The following MYH7B variants were observed in gnomAD, a reference collection of about 807,000 sequenced individuals.
The protein encoded by MYH7B is myosin heavy chain 7B.
A neutral mutation model predicts 234.5 loss-of-function variants in MYH7B; 205 were observed. That is an observed-to-expected ratio of 0.87 (90% CI 0.78 to 0.98). The LOEUF (loss-of-function observed/expected upper bound fraction) is 0.98. Among genes scored for constraint, MYH7B ranks in the 50% least tolerant of loss-of-function variants. The pLI, the probability that MYH7B is intolerant of heterozygous loss-of-function variation, is 0.00. For missense variants in MYH7B, 2,652 were observed against 2,633.4 expected, an observed-to-expected ratio of 1.01 and a Z score of -0.15; for synonymous variants, 1,193 against 1,105.0, an observed-to-expected ratio of 1.08 and a Z score of -1.58.
At chr20:34,966,786 C>T (rs2081745678) in intron 2 of MYH7B, among the ~76,000 whole-genome samples, 1 of 152,048 alleles carries the variant, frequency 6.6e-6, no homozygotes, top group African/African-American at 2.4e-5. Flanking sequence ...TTTGGCTAGG[C>T]ATGGTGAGGC....
rs1241240177 is a variant in MYH7B, at chr20:34,984,679, C to T, written c.625-13C>T. ...GGCCTGGCCCTCTAATGTTGTCTGT[C>T]TTCTTCCCCCAGCAATTTCTGGCAA... is the stretch of plus-strand genomic sequence containing the variant. On this transcript the variant is annotated splice_polypyrimidine_tract_variant and intron_variant, in intron 10 of 44. Transcript: ENST00000262873. 29 of 1,577,272 alleles carry T rather than the reference C, an allele frequency of 1.8e-5. No homozygotes were observed. Among genetic ancestry groups the T allele is most frequent in the Non-Finnish European group, 2.5e-5 (29 of 1,163,308 alleles).
At chr20:34,985,390 CCTGT>C (rs2082002208) in intron 13 of MYH7B, among the ~76,000 whole-genome samples, 1 of 152,116 alleles carries the variant, frequency 6.6e-6, no homozygotes, top group East Asian at 1.9e-4. Context: ...TTCTCTAGAT[CCTGT>C]CACCTGAGGA....
intron 2 of MYH7B, among the ~76,000 whole-genome samples, chr20:34,971,774 C>T (rs994066869): frequency 2.0e-5 from 3 of 152,230 alleles, no homozygotes; most frequent in Admixed American, 6.5e-5. Context: ...CAAATTCCGT[C>T]GCTCAGAGCT....
At chr20:34,975,806 C>G (rs1482674428) in intron 3 of MYH7B, among the ~76,000 whole-genome samples, 1 of 152,288 alleles carries the variant, frequency 6.6e-6, no homozygotes, top group East Asian at 1.9e-4. Context: ...AGCTCTGCCT[C>G]CCGGGTTCAC....
At chr20:34,976,974 C>T (rs2081861832) in intron 3 of MYH7B, among the ~76,000 whole-genome samples, 1 of 152,156 alleles carries the variant, frequency 6.6e-6, no homozygotes, top group Admixed American at 6.5e-5. Context: ...AGGCGATGCC[C>T]TATACCCTGA....
At chr20:35,000,026 TTC>T in intron 38 of MYH7B, 120 bp downstream of exon 38, 1 of 1,040,334 alleles carries the variant, frequency 9.6e-7, no homozygotes, top group Non-Finnish European at 1.4e-6. Flanking sequence ...GCTGTCTCCA[TTC>T]TAGCTGTGAA....
In MYH7B at chr20:35,000,536, C is replaced by T. The variant is rs777807715; in HGVS notation, c.5025C>T (p.His1675=). 4.2e-5 allele frequency: 66 copies of T among 1,587,464 alleles called. No individual in the cohort carries two copies. The highest frequency in any genetic ancestry group is 5.1e-5 in the Non-Finnish European group (60 of 1,173,096). ...AGCAGCGGCTGGCAGCTGAGCTCCA[C>T]GAGCAGGCGCAGGCTCTGGAGCGCC... Residue 1675 remains histidine, a synonymous_variant, in exon 39 of 45, where the codon CAC becomes CAT. Coordinates refer to ENST00000262873, the Ensembl canonical transcript of MYH7B.
intron 3 of MYH7B, among the ~76,000 whole-genome samples, chr20:34,976,261 A>C (rs2081853310): frequency 6.6e-6 from 1 of 152,182 alleles, no homozygotes; most frequent in African/African-American, 2.4e-5. Flanking sequence ...TAGATGGTTG[A>C]AAATGTAGCT....
At chr20:34,980,225 G>A in intron 7 of MYH7B, 1 of 324,702 alleles carries the variant, frequency 3.1e-6, no homozygotes, top group East Asian at 6.2e-5. Context: ...TGGGGCCTGG[G>A]GATGGGAACT....
At position 34,987,302 on chromosome 20, in the gene MYH7B, C is replaced by T. The variant is rs1569043578; in HGVS notation, c.1147+15C>T. On this transcript the variant is annotated intron_variant, in intron 16 of 44. Transcript: ENST00000262873. ...TGGCACTGAGAGTGAGGGGCCCTAACCTGGCCTTCAACTTGACCCAGACCT... is the reference window on the plus strand; with the variant it reads ...TGGCACTGAGAGTGAGGGGCCCTAATCTGGCCTTCAACTTGACCCAGACCT... 5 of 1,608,890 alleles carry T rather than the reference C, an allele frequency of 3.1e-6. No individual in the cohort carries two copies. The highest frequency in any genetic ancestry group is 2.5e-6 in the Non-Finnish European group (3 of 1,179,628).
intron 4 of MYH7B, 59 bp downstream of exon 4, chr20:34,977,739 T>TGGGGTGGGGGGGGGGGGGGGGCCCCC: frequency 2.1e-6 from 1 of 469,214 alleles, no homozygotes; most frequent in Non-Finnish European, 4.1e-6. Flanking sequence ...GGCGGGTGGG[T>TGGGGTGGGGGGGGGGGGGGGGCCCCC]GAGGGTGCCC....
chr20:34,970,761 G>A (rs541352069), intron 2 of MYH7B, among the ~76,000 whole-genome samples: 2 of 152,288 alleles, frequency 1.3e-5, no homozygotes, highest in South Asian at 4.1e-4. Flanking sequence ...AGCTCAGCTC[G>A]GCTCTAGAGA....
chr20:34,959,055 T>C (rs980055284), intron 2 of MYH7B, among the ~76,000 whole-genome samples: 5 of 152,250 alleles, frequency 3.3e-5, no homozygotes, highest in African/African-American at 1.2e-4. Flanking sequence ...TCACAGCCTT[T>C]CAAGGTAGAA....
At chr20:34,993,744 C>T (rs367797278) in intron 26 of MYH7B, among the ~76,000 whole-genome samples, 2 of 152,230 alleles carry the variant, frequency 1.3e-5, no homozygotes, top group East Asian at 1.9e-4. Flanking sequence ...GGCCGGGCCC[C>T]AGGCAAGATA....
At chr20:34,982,782 G>A (rs969829603) in intron 10 of MYH7B, among the ~76,000 whole-genome samples, 1 of 152,200 alleles carries the variant, frequency 6.6e-6, no homozygotes, top group African/African-American at 2.4e-5. Flanking sequence ...GGTAAACATG[G>A]AGGGGTGGGG....
intron 10 of MYH7B, among the ~76,000 whole-genome samples, chr20:34,984,030 G>A (rs534884130): frequency 6.6e-6 from 1 of 152,290 alleles, no homozygotes; most frequent in East Asian, 1.9e-4. Context: ...CCGCTGTGGC[G>A]TCCAGGCGGC....
At chr20:34,980,188 C>T (rs1022506578) in intron 7 of MYH7B, 4 of 338,280 alleles carry the variant, frequency 1.2e-5, no homozygotes, top group Non-Finnish European at 2.2e-5. Flanking sequence ...TGAGGAATAT[C>T]GCAGGGTTCT....
At chr20:34,997,012 G>C in intron 30 of MYH7B, 71 bp from the exon 31 acceptor site, 1 of 1,341,094 alleles carries the variant, frequency 7.5e-7, no homozygotes, top group East Asian at 2.8e-5. Context: ...GGGACTGGGG[G>C]GCGTTATGGG....
At chr20:34,974,008 T>G (rs1466820788) in intron 2 of MYH7B, among the ~76,000 whole-genome samples, 1 of 149,750 alleles carries the variant, frequency 6.7e-6, no homozygotes, top group Non-Finnish European at 1.5e-5. Context: ...CACTGCAACC[T>G]CCGCCTCCCA....
Sources: allele counts gnomAD v4.1 joint callset (sites outside exome capture counted in the v4.1 genomes callset), GRCh38; gene constraint gnomAD v4.1.1; transcripts MANE v1.5; gene names NCBI Gene and HGNC (gene_info 2026-07-23, HGNC 2026-07-21).